Variants in NYAP2 observed in about 807,000 individuals in gnomAD.
The protein encoded by NYAP2 is neuronal tyrosine-phosphorylated phosphoinositide-3-kinase adapter 2.
A neutral mutation model predicts 50.4 loss-of-function variants in NYAP2; 23 were observed. That is an observed-to-expected ratio of 0.46 (90% CI 0.33 to 0.65). The LOEUF (loss-of-function observed/expected upper bound fraction) is 0.65, where lower values mean the gene tolerates loss of function less well. Ranked by LOEUF, NYAP2 falls within the 30% of genes least tolerant of loss-of-function variation. The probability of loss-of-function intolerance (pLI) is 0.02; values close to 1 mark genes in which losing one functional copy is unlikely to be tolerated. For missense variants in NYAP2, 885 were observed against 861.0 expected (o/e 1.03, Z -0.35); for synonymous variants, 394 against 365.2 (o/e 1.08, Z -0.90).
chr2:225,692,502 G>T, the NYAP2 span, among the ~76,000 whole-genome samples: 30 of 152,044 alleles, frequency 2.0e-4, no homozygotes, highest in Admixed American at 1.8e-3. Context: ...ACAATATATG[G>T]GGATTTCTCC....
intron 3 of NYAP2, among the ~76,000 whole-genome samples, chr2:225,479,683 A>ATATT (rs1371709432): frequency 6.6e-6 from 1 of 152,022 alleles, no homozygotes; most frequent in African/African-American, 2.4e-5. Flanking sequence ...ATTACCAAAG[A>ATATT]TATTTGCATT....
At chr2:225,670,556 C>G in the NYAP2 span, among the ~76,000 whole-genome samples, 1 of 144,386 alleles carries the variant, frequency 6.9e-6, no homozygotes, top group Non-Finnish European at 1.5e-5. Context: ...CAAAGGGGTG[C>G]TATTGCATTA....
intron 3 of NYAP2, among the ~76,000 whole-genome samples, chr2:225,449,789 G>A (rs1161681593): frequency 1.3e-5 from 2 of 150,990 alleles, no homozygotes. Flanking sequence ...TGCTTTTTTT[G>A]TACTTTTAGT....
At chr2:225,493,317 C>G (rs755489834) in intron 3 of NYAP2, among the ~76,000 whole-genome samples, 1 of 152,134 alleles carries the variant, frequency 6.6e-6, no homozygotes, top group Non-Finnish European at 1.5e-5. Context: ...TTTAAAAAGT[C>G]TGTTTAAAAT....
At chr2:225,665,806 C>CCAAAAA in the NYAP2 span, among the ~76,000 whole-genome samples, 1 of 4,426 alleles carries the variant, frequency 2.3e-4, no homozygotes, top group Non-Finnish European at 8.8e-4. Flanking sequence ...AAGCCTCCGT[C>CCAAAAA]TAAAAAAAAA....
chr2:225,485,750 C>T (rs1316087765), intron 3 of NYAP2, among the ~76,000 whole-genome samples: 1 of 152,166 alleles, frequency 6.6e-6, no homozygotes, highest in African/African-American at 2.4e-5. Flanking sequence ...TTCCAAATTG[C>T]TCAAATGACT....
intron 3 of NYAP2, among the ~76,000 whole-genome samples, chr2:225,421,745 GAT>G (rs1455889628): frequency 6.6e-6 from 1 of 152,224 alleles, no homozygotes; most frequent in Non-Finnish European, 1.5e-5. Flanking sequence ...AGGGTTAAGA[GAT>G]GTGTAGTTTA....
intron 3 of NYAP2, among the ~76,000 whole-genome samples, chr2:225,509,565 CCAT>C (rs1446036838): frequency 2.6e-5 from 4 of 152,144 alleles, no homozygotes; most frequent in African/African-American, 4.8e-5. Context: ...GTGCACACCA[CCAT>C]GATCAGCTTC....
intron 5 of NYAP2, among the ~76,000 whole-genome samples, chr2:225,597,447 C>T (rs1294195125): frequency 1.5e-5 from 2 of 137,672 alleles, no homozygotes; most frequent in African/African-American, 5.3e-5. Context: ...TCTCTGATTC[C>T]ATCTAAGTCA....
intron 3 of NYAP2, among the ~76,000 whole-genome samples, chr2:225,496,031 G>A (rs1173023749): frequency 6.6e-6 from 1 of 152,172 alleles, no homozygotes; most frequent in African/African-American, 2.4e-5. Flanking sequence ...ACCAGGGAGT[G>A]GTAGAGATGA....
rs1370560649 is a variant in NYAP2, at chr2:225,583,575, G to T, written c.1618+540G>T. Among the ~76,000 whole-genome samples, 3 of 151,374 alleles carry T rather than the reference G, an allele frequency of 2.0e-5. No homozygotes were observed. In the East Asian group the frequency reaches 5.9e-4, roughly 30 times the overall value. The stretch of plus-strand genomic sequence containing the variant: ...TTAAAAGAAGAGTGTTTAAAAAAAA[G>T]TACAAAATCTAAGTTCTTACAATGG... On this transcript the variant is annotated intron_variant, in intron 5 of 6. Transcript: ENST00000636099.
intron 4 of NYAP2, among the ~76,000 whole-genome samples, chr2:225,525,729 T>G (rs546764105): frequency 6.6e-6 from 1 of 152,288 alleles, no homozygotes; most frequent in South Asian, 2.1e-4. Context: ...GATCTTGGTT[T>G]CATATCAGTG....
At chr2:225,696,768 G>A in the NYAP2 span, among the ~76,000 whole-genome samples, 1 of 151,874 alleles carries the variant, frequency 6.6e-6, no homozygotes, top group Non-Finnish European at 1.5e-5. Flanking sequence ...ATGGGTGTTG[G>A]GCATAAACTC....
At chr2:225,452,949 G>A (rs1464826635) in intron 3 of NYAP2, among the ~76,000 whole-genome samples, 1 of 152,092 alleles carries the variant, frequency 6.6e-6, no homozygotes, top group Admixed American at 6.5e-5. Context: ...TGTTACATTT[G>A]TGCATAATCA....
chr2:225,533,363 C>G (rs1054639517), intron 4 of NYAP2, among the ~76,000 whole-genome samples: 5 of 152,110 alleles, frequency 3.3e-5, no homozygotes, highest in Non-Finnish European at 5.9e-5. Flanking sequence ...AGTCTTCCAT[C>G]TCTGTGTGAT....
At position 225,582,778 on chromosome 2, in the gene NYAP2, C is replaced by T. The variant is rs775575640; in HGVS notation, c.1361C>T (p.Pro454Leu). ...CTGACTCCCCTGAGCCTCAAAAGGCCTCCCCCTTACGACGCTGTGCATTCG... is the reference window on the plus strand; with the variant it reads ...CTGACTCCCCTGAGCCTCAAAAGGCTTCCCCCTTACGACGCTGTGCATTCG... The change falls in exon 5 of 7, where the codon CCT becomes CTT. Residue 454 changes from proline (P) to leucine (L), a missense_variant. Pro to Leu is a moderately conservative substitution (Grantham distance 98). Transcript: ENST00000636099. This position sits in a 1 kb window ranked among gnomAD's most constrained non-coding sequence, Gnocchi z 7.0. The T allele has an allele frequency of 6.2e-7, 1 of 1,613,890 alleles. No homozygotes were observed. Among genetic ancestry groups the T allele is most frequent in the Non-Finnish European group, 8.5e-7 (1 of 1,179,864 alleles).
chr2:225,417,333 C>T (rs567894145), intron 3 of NYAP2, among the ~76,000 whole-genome samples: 2 of 152,156 alleles, frequency 1.3e-5, no homozygotes, highest in Admixed American at 1.3e-4. Flanking sequence ...TGTGGGTTAC[C>T]TTAAAATTAA....
At chr2:225,631,706 G>A (rs552967659) in intron 6 of NYAP2, among the ~76,000 whole-genome samples, 1 of 152,284 alleles carries the variant, frequency 6.6e-6, no homozygotes, top group South Asian at 2.1e-4. Context: ...TTTCTGAAGA[G>A]AAAGAACCTA....
At chr2:225,493,395 G>A (rs983320478) in intron 3 of NYAP2, among the ~76,000 whole-genome samples, 2 of 152,216 alleles carry the variant, frequency 1.3e-5, no homozygotes, top group African/African-American at 4.8e-5. Flanking sequence ...AAGCATGGCT[G>A]ATACAGGATC....
Sources: allele counts gnomAD v4.1 joint callset (sites outside exome capture counted in the v4.1 genomes callset), GRCh38; gene constraint gnomAD v4.1.1; non-coding constraint Gnocchi (gnomAD v3.1); transcripts MANE v1.5; gene names NCBI Gene and HGNC (gene_info 2026-07-23, HGNC 2026-07-21).